The following TMEM245 variants were observed in gnomAD, a reference collection of about 807,000 sequenced individuals.
TMEM245 encodes protein CG-2.
Under a neutral mutation model 101.2 loss-of-function variants are expected in TMEM245, and 69 were observed. The ratio of observed to expected loss-of-function variants is 0.68; its 90% CI spans 0.56 to 0.83. TMEM245 has a LOEUF of 0.83. Ranked by LOEUF, TMEM245 falls within the 40% of genes least tolerant of loss-of-function variation. The pLI is 0.00. For missense variants in TMEM245, 1,075 were observed against 1,092.8 expected, an observed-to-expected ratio of 0.98 and a Z score of 0.23; for synonymous variants, 537 against 449.8, an observed-to-expected ratio of 1.19 and a Z score of -2.45.
chr9:109,094,132 T>C (rs1015569125), intron 3 of TMEM245, among the ~76,000 whole-genome samples: 1 of 152,340 alleles, frequency 6.6e-6, no homozygotes, highest in South Asian at 2.1e-4. Flanking sequence ...TAAAGGAACA[T>C]CATGACGTTG....
At position 109,108,438 on chromosome 9, in the gene TMEM245, A is replaced by AAG. The variant is rs1830484297; in HGVS notation, c.697+14_697+15insCT. On this transcript the variant is annotated intron_variant, in intron 2 of 17. Coordinates refer to ENST00000374586, the MANE Select transcript of TMEM245 (RefSeq NM_032012.4). ...CTAGACTTAAAAAAAAAAAAAAAAA[A>AAG]AAGAAGGAACCCACCTAAATGAAAA... is the stretch of plus-strand genomic sequence containing the variant. The AAG allele has an allele frequency of 1.4e-6, 2 of 1,454,068 alleles. No individual in the cohort carries two copies. Among genetic ancestry groups the AAG allele is most frequent in the African/African-American group, 1.4e-5 (1 of 69,542 alleles). The allele number at this position is 1,454,068 out of a possible 1,614,324, so 90.1% of individuals were successfully genotyped here.
intron 7 of TMEM245, among the ~76,000 whole-genome samples, chr9:109,083,835 C>A (rs1829740682): frequency 7.1e-6 from 1 of 141,560 alleles, no homozygotes. Context: ...GCAGGCTGAT[C>A]ACTTGAGCTA....
chr9:109,038,929 A>C (rs1828220351), intron 14 of TMEM245: 2 of 152,374 alleles, frequency 1.3e-5, no homozygotes, highest in African/African-American at 4.8e-5. Flanking sequence ...GCAACCCGTA[A>C]GTAATCTCAA....
At chr9:109,062,263 C>G (rs1263346659) in intron 10 of TMEM245, among the ~76,000 whole-genome samples, 2 of 152,140 alleles carry the variant, frequency 1.3e-5, no homozygotes, top group African/African-American at 4.8e-5. Flanking sequence ...TCCCAAAGTG[C>G]TGGGATTACA....
In TMEM245 at chr9:109,091,061, T is replaced by C; in HGVS notation, c.1011A>G (p.Arg337=). Residue 337 remains arginine, a synonymous_variant, in exon 5 of 18, where the codon AGA becomes AGG. Coordinates refer to ENST00000374586, the MANE Select transcript of TMEM245 (RefSeq NM_032012.4). Reference sequence around the variant, plus strand: ...GAAACGTTCCTATTTCAGGCCTTCGTCTGCCCAGAGTAGGTGAAGGGGAAG... The same window carrying C: ...GAAACGTTCCTATTTCAGGCCTTCGCCTGCCCAGAGTAGGTGAAGGGGAAG... ...SPTSPSPTLG[R]RRPEIGTFLR... is the part of the protein sequence containing the mutation. The C allele has an allele frequency of 6.2e-7, 1 of 1,614,124 alleles. No individual in the cohort carries two copies.
rs768433412 is a variant in TMEM245 at position 109,073,430 on chromosome 9, T to C, written c.1458A>G (p.Gln486=). 1.9e-6 allele frequency: 3 copies of C among 1,605,404 alleles called. No individual in the cohort carries two copies. Among genetic ancestry groups the C allele is most frequent in the Non-Finnish European group, 8.5e-7 (1 of 1,173,604 alleles). Reference sequence around the variant, plus strand: ...TGACTTCAATCATGTGTACACTCTCTTGATGTACCTGTATTACAGATAAAG... The same window carrying C: ...TGACTTCAATCATGTGTACACTCTCCTGATGTACCTGTATTACAGATAAAG... The part of the protein sequence containing the change: ...LALLLTAKVH[Q]ESVHMIEVTS... The change falls in exon 9 of 18, where the codon CAA becomes CAG. Residue 486 remains glutamine (Q), a synonymous_variant. Transcript: ENST00000374586.
intron 16 of TMEM245, among the ~76,000 whole-genome samples, chr9:109,034,838 T>C (rs988280972): frequency 6.6e-6 from 1 of 152,134 alleles, no homozygotes; most frequent in African/African-American, 2.4e-5. Flanking sequence ...GCCAAACCTT[T>C]CATTTCCCAA....
chr9:109,034,223 A>T (rs1229764563), intron 16 of TMEM245, among the ~76,000 whole-genome samples: 1 of 152,266 alleles, frequency 6.6e-6, no homozygotes, highest in Non-Finnish European at 1.5e-5. Flanking sequence ...AGTTTTAAAC[A>T]TAGATGAGAA....
intron 1 of TMEM245, among the ~76,000 whole-genome samples, chr9:109,115,205 C>T (rs1406829075): frequency 1.3e-5 from 2 of 151,968 alleles, no homozygotes; most frequent in Admixed American, 1.3e-4. Flanking sequence ...CAAAAATTAG[C>T]CGGGCGTGGT....
At chr9:109,034,314 G>C (rs185931863) in intron 16 of TMEM245, among the ~76,000 whole-genome samples, 195 of 152,310 alleles carry the variant, frequency 1.3e-3, no homozygotes, top group African/African-American at 4.5e-3. Flanking sequence ...AAGACTTGTG[G>C]AGAACCAGTC....
intron 7 of TMEM245, among the ~76,000 whole-genome samples, chr9:109,081,720 T>C (rs1195721494): frequency 6.6e-6 from 1 of 152,220 alleles, no homozygotes; most frequent in South Asian, 2.1e-4. Flanking sequence ...GAAGTTTCTA[T>C]TCTTCTGAAA....
chr9:109,073,569 T>G, intron 8 of TMEM245, 131 bp from the exon 9 acceptor site: 1 of 657,828 alleles, frequency 1.5e-6, no homozygotes, highest in Middle Eastern at 4.3e-4. Flanking sequence ...TTAATTAATT[T>G]AGAAACATGC....
intron 3 of TMEM245, among the ~76,000 whole-genome samples, chr9:109,096,684 C>G (rs759367168): frequency 6.6e-6 from 1 of 152,074 alleles, no homozygotes; most frequent in Non-Finnish European, 1.5e-5. Flanking sequence ...AAAACAAAGA[C>G]CTTCAGGTCA....
intron 14 of TMEM245, among the ~76,000 whole-genome samples, chr9:109,044,670 TG>T (rs1372687674): frequency 6.6e-6 from 1 of 152,078 alleles, no homozygotes; most frequent in African/African-American, 2.4e-5. Flanking sequence ...TACATATTTA[TG>T]GGGTACATAA....
chr9:109,024,104 A>C (rs1284956467), intron 17 of TMEM245, among the ~76,000 whole-genome samples: 3 of 152,104 alleles, frequency 2.0e-5, no homozygotes, highest in Non-Finnish European at 4.4e-5. Flanking sequence ...ACAACTCAAG[A>C]CTTGTTGACT....
At chr9:109,029,768 T>C (rs747037154) in intron 17 of TMEM245, among the ~76,000 whole-genome samples, 7 of 152,188 alleles carry the variant, frequency 4.6e-5, no homozygotes, top group Non-Finnish European at 4.4e-5. Context: ...AGCACTCCAC[T>C]GGGGCAGACC....
intron 9 of TMEM245, 84 bp from the exon 10 acceptor site, chr9:109,064,651 C>A: frequency 9.2e-7 from 1 of 1,085,752 alleles, no homozygotes; most frequent in Non-Finnish European, 1.4e-6. Context: ...TATGCTTAAT[C>A]CATAACAGAC....
chr9:109,051,240 C>G (rs1033755201), intron 12 of TMEM245, among the ~76,000 whole-genome samples: 1 of 149,630 alleles, frequency 6.7e-6, no homozygotes, highest in African/African-American at 2.5e-5. Flanking sequence ...TGCAGTGAGC[C>G]GAGATCCTAC....
chr9:109,085,579 A>C (rs1829807445), intron 7 of TMEM245, among the ~76,000 whole-genome samples: 2 of 152,248 alleles, frequency 1.3e-5, no homozygotes, highest in Non-Finnish European at 2.9e-5. Context: ...TATTTCACAG[A>C]TTTGTCTTTT....
Sources: gnomAD v4.1 joint callset for allele counts (sites outside exome capture counted in the v4.1 genomes callset) on GRCh38, gnomAD v4.1.1 for gene constraint, MANE v1.5 for transcripts, NCBI Gene and HGNC (gene_info 2026-07-23, HGNC 2026-07-21) for gene names.